The following DIP2A variants were observed in gnomAD, a reference collection of about 807,000 sequenced individuals.
DIP2A encodes the protein DIP2 acetate--CoA ligase A.
In DIP2A, 85 loss-of-function variants were observed where a neutral mutation model predicts 177.4. The ratio of observed to expected loss-of-function variants is 0.48; its 90% CI spans 0.40 to 0.57. The LOEUF is 0.57. DIP2A is among the 20% of genes least tolerant of loss of function. The probability of loss-of-function intolerance (pLI) is 0.00; values close to 1 mark genes in which losing one functional copy is unlikely to be tolerated. For missense variants in DIP2A, 1,791 were observed against 2,100.2 expected (o/e 0.85, Z 2.88); for synonymous variants, 886 against 881.8 (o/e 1.00, Z -0.08).
In DIP2A at chr21:46,509,368, T is replaced by C; in HGVS notation, c.896T>C (p.Leu299Ser). Residue 299 changes from leucine (L) to serine (S), a missense_variant, in exon 7 of 38, where the codon TTG becomes TCG. By Grantham distance (145) the Leu-to-Ser change is moderately radical (BLOSUM62 -2). Transcript: ENST00000417564. ...KEFFVDDFEE[L>S]LEVQQPDPNQ... ...TTCTTTGTGGATGATTTTGAGGAAT[T>C]GTTGGAAGGTAAGAGTTGTCCAACT... The C allele has an allele frequency of 2.5e-6, 4 of 1,611,080 alleles. No homozygotes were observed. The East Asian group carries it at 8.9e-5, about 36-fold the overall frequency.
chr21:46,546,369 G>C, intron 20 of DIP2A: 1 of 994,716 alleles, frequency 1.0e-6, no homozygotes. Context: ...GGGGACTTCT[G>C]GCAACTTTTG....
Position 46,459,124 on chromosome 21 carries a change from G to T in DIP2A, c.-8G>T. The T allele has an allele frequency of 6.7e-7, 1 of 1,492,482 alleles. No individual in the cohort carries two copies. Among genetic ancestry groups the T allele is most frequent in the South Asian group, 1.3e-5 (1 of 77,648 alleles). The allele number at this position is 1,492,482 out of a possible 1,614,324, so 92.5% of individuals were successfully genotyped here. On this transcript the variant is annotated 5_prime_UTR_variant, in exon 1 of 38. Coordinates refer to ENST00000417564, the MANE Select transcript of DIP2A (RefSeq NM_015151.4). Reference sequence around the variant, plus strand: ...CCAGCCTCTGCCCGGACGCTAGCCGGCCTGGCCATGGCTGACCGCGGGTGC... The same window carrying T: ...CCAGCCTCTGCCCGGACGCTAGCCGTCCTGGCCATGGCTGACCGCGGGTGC...
intron 1 of DIP2A, among the ~76,000 whole-genome samples, chr21:46,468,258 T>A (rs2055022086): frequency 1.3e-5 from 1 of 76,350 alleles, no homozygotes; most frequent in African/African-American, 5.4e-5. Context: ...AGTGAGACTG[T>A]CTCAAAAAAA....
chr21:46,582,597 G>A, the DIP2A span, among the ~76,000 whole-genome samples: 6 of 152,196 alleles, frequency 3.9e-5, no homozygotes, highest in South Asian at 2.1e-4. Flanking sequence ...GTGGTCCATC[G>A]CTCCACCCTG....
At chr21:46,517,615 G>C (rs118170632) in intron 8 of DIP2A, among the ~76,000 whole-genome samples, 59 of 152,288 alleles carry the variant, frequency 3.9e-4, no homozygotes, top group African/African-American at 1.4e-3. Context: ...CCGTGGCGTT[G>C]GTCTCCTCGT....
chr21:46,480,404 A>AATAATT (rs2056262532), intron 1 of DIP2A, among the ~76,000 whole-genome samples: 1 of 152,180 alleles, frequency 6.6e-6, no homozygotes, highest in African/African-American at 2.4e-5. Flanking sequence ...CCCTCCCATG[A>AATAATT]CACGTGGGGA....
intron 21 of DIP2A, 95 bp from the exon 22 acceptor site, chr21:46,549,676 T>C (rs2060194567): frequency 6.4e-7 from 1 of 1,559,582 alleles, no homozygotes; most frequent in African/African-American, 1.3e-5. Context: ...TTTTAAATAC[T>C]AGGACAGTCT....
At chr21:46,477,801 C>T (rs1236885232) in intron 1 of DIP2A, among the ~76,000 whole-genome samples, 2 of 151,442 alleles carry the variant, frequency 1.3e-5, no homozygotes, top group Non-Finnish European at 2.9e-5. Flanking sequence ...CCAGGCTGGT[C>T]ACGAATTCCT....
rs941756526 is a variant in DIP2A, at chr21:46,556,706, T to C, written c.3499-233T>C. On this transcript the variant is annotated intron_variant, in intron 29 of 37. Transcript: ENST00000417564. This position sits in a 1 kb window ranked among gnomAD's most constrained non-coding sequence, Gnocchi z 4.5. ...TCAAAAAAAAAAAAAAGAAAAAAATTTTAAAAATTCATTACCCTGAAATTT... is the reference window on the plus strand; with the variant it reads ...TCAAAAAAAAAAAAAAGAAAAAAATCTTAAAAATTCATTACCCTGAAATTT... The C allele has an allele frequency of 2.0e-6, 1 of 509,528 alleles. No homozygotes were observed. The highest frequency in any genetic ancestry group is 3.5e-5 in the Admixed American group (1 of 28,218). The allele number at this position is 509,528 out of a possible 1,614,324, so 31.6% of individuals were successfully genotyped here. A position where few individuals can be genotyped will look rare whatever the true frequency, so the allele number is the denominator to read the frequency against.
At chr21:46,583,121 C>T in the DIP2A span, among the ~76,000 whole-genome samples, 15 of 152,198 alleles carry the variant, frequency 9.9e-5, no homozygotes, top group African/African-American at 3.4e-4. Context: ...TAATCTCATA[C>T]AAAATAGACA....
rs115349629 is a variant in DIP2A at position 46,500,859 on chromosome 21, A to G, written c.655+2026A>G. ...TATTTATAATGTAGGTTTATTACCT[A>G]TGTTGGTGGAAGACAGCTCCTGACT... On this transcript the variant is annotated intron_variant, in intron 5 of 37. Coordinates refer to ENST00000417564, the MANE Select transcript of DIP2A (RefSeq NM_015151.4). 5.3e-3 allele frequency among the ~76,000 whole-genome samples: 800 copies of G among 152,356 alleles called. 6 individuals are homozygous for G. Among genetic ancestry groups the G allele is most frequent in the African/African-American group, 0.018 (766 of 41,572 alleles).
At chr21:46,466,571 C>T (rs974250413) in intron 1 of DIP2A, among the ~76,000 whole-genome samples, 3 of 151,786 alleles carry the variant, frequency 2.0e-5, no homozygotes, top group Admixed American at 6.6e-5. Context: ...TGGTCTCGAA[C>T]TCCTGACCTC....
Position 46,532,291 on chromosome 21 carries a change from G to A in DIP2A, c.1305+54G>A, listed in dbSNP as rs2059386680. 4.2e-6 allele frequency: 6 copies of A among 1,438,868 alleles called. No homozygotes were observed. In the South Asian group the frequency reaches 6.0e-5, roughly 14 times the overall value. The allele number at this position is 1,438,868 out of a possible 1,614,324, so 89.1% of individuals were successfully genotyped here. A position where few individuals can be genotyped will look rare whatever the true frequency, so the allele number is the denominator to read the frequency against. Reference sequence around the variant, plus strand: ...TGGTTCGCTTCTGAACTTGATACCAGCAGTATCTTACTTCCTTTTCACTCA... The same window carrying A: ...TGGTTCGCTTCTGAACTTGATACCAACAGTATCTTACTTCCTTTTCACTCA... On this transcript the variant is annotated intron_variant, in intron 10 of 37. Transcript: ENST00000417564.
At position 46,534,822 on chromosome 21, in the gene DIP2A, C is replaced by G. The variant is rs2059496279; in HGVS notation, c.1642+135C>G. On this transcript the variant is annotated intron_variant, in intron 13 of 37. Coordinates refer to ENST00000417564, the MANE Select transcript of DIP2A (RefSeq NM_015151.4). Reference sequence around the variant, plus strand: ...CCTTTGCCCATTAATCCGGGTCATGCCAGGTAGGGAGATGCACTGTCTTTA... The same window carrying G: ...CCTTTGCCCATTAATCCGGGTCATGGCAGGTAGGGAGATGCACTGTCTTTA... 19 of 701,394 alleles carry G rather than the reference C, an allele frequency of 2.7e-5. No individual in the cohort carries two copies. The South Asian group carries it at 3.5e-4, about 13-fold the overall frequency. The allele number at this position is 701,394 out of a possible 1,614,324, so 43.4% of individuals were successfully genotyped here. A position where few individuals can be genotyped will look rare whatever the true frequency, so the allele number is the denominator to read the frequency against.
intron 5 of DIP2A, among the ~76,000 whole-genome samples, chr21:46,502,014 A>G (rs141898933): frequency 5.3e-4 from 81 of 152,370 alleles, no homozygotes; most frequent in African/African-American, 1.9e-3. Context: ...TCAGCTTTCT[A>G]CAAACCTAGT....
At chr21:46,467,512 G>C (rs927430069) in intron 1 of DIP2A, among the ~76,000 whole-genome samples, 1 of 152,010 alleles carries the variant, frequency 6.6e-6, no homozygotes, top group Admixed American at 6.6e-5. Flanking sequence ...GAACATAGTA[G>C]CTGAAAGACA....
intron 3 of DIP2A, among the ~76,000 whole-genome samples, chr21:46,495,225 TTCTCTTCTCTTCTCTTCTTTCTC>T (rs1568967171): frequency 9.6e-5 from 9 of 94,090 alleles, no homozygotes; most frequent in African/African-American, 5.0e-4. Flanking sequence ...TTCTCTTCTC[TTCTCTTCTCTTCTCTTCTTTCTC>T]TCTCTCTCTC....
Position 46,565,838 on chromosome 21 carries a change from C to T in DIP2A, c.4290C>T (p.Thr1430=), listed in dbSNP as rs1046978480. 3.3e-5 allele frequency: 53 copies of T among 1,613,870 alleles called. No individual in the cohort carries two copies. Among genetic ancestry groups the T allele is most frequent in the Middle Eastern group, 1.6e-4 (1 of 6,076 alleles). ...FGDTQTIWAR[T]GYLGFLRRTE... ...ACACACAGACCATCTGGGCAAGGAC[C>T]GGCTACCTTGGCTTCCTTCGGCGAA... The change falls in exon 36 of 38, where the codon ACC becomes ACT. Residue 1430 remains threonine, a synonymous_variant. Coordinates refer to ENST00000417564, the MANE Select transcript of DIP2A (RefSeq NM_015151.4).
intron 6 of DIP2A, among the ~76,000 whole-genome samples, chr21:46,505,624 AT>A (rs1430707455): frequency 6.6e-6 from 1 of 152,156 alleles, no homozygotes. Context: ...GTTTTAAGAC[AT>A]TTGTACAGCT....
Sources: allele counts gnomAD v4.1 joint callset (sites outside exome capture counted in the v4.1 genomes callset), GRCh38; gene constraint gnomAD v4.1.1; non-coding constraint Gnocchi (gnomAD v3.1); transcripts MANE v1.5; gene names NCBI Gene and HGNC (gene_info 2026-07-23, HGNC 2026-07-21).